Variants in CCSER1 observed in about 807,000 individuals in gnomAD.
CCSER1 encodes the protein serine-rich coiled-coil domain-containing protein 1.
A neutral mutation model predicts 82.0 loss-of-function variants in CCSER1; 41 were observed. The observed-to-expected ratio is 0.50, with a 90% CI of 0.39 to 0.65. The LOEUF is 0.65. Ranked by LOEUF, CCSER1 falls within the 30% of genes least tolerant of loss-of-function variation. The pLI is 0.00. For missense variants in CCSER1, 1,119 were observed against 1,064.2 expected, an observed-to-expected ratio of 1.05 and a Z score of -0.72; for synonymous variants, 414 against 383.9, an observed-to-expected ratio of 1.08 and a Z score of -0.92.
intron 10 of CCSER1, among the ~76,000 whole-genome samples, chr4:91,345,599 G>A (rs1243238557): frequency 6.6e-6 from 1 of 151,982 alleles, no homozygotes; most frequent in Non-Finnish European, 1.5e-5. Flanking sequence ...TCCTTACCAT[G>A]CCCCACTGTT....
intron 10 of CCSER1, among the ~76,000 whole-genome samples, chr4:91,574,621 C>T (rs1281241865): frequency 6.6e-5 from 10 of 151,980 alleles, no homozygotes; most frequent in African/African-American, 1.9e-4. Context: ...AGTCCATTAT[C>T]CTAAGCAAAT....
At chr4:91,394,738 G>T (rs2149353409) in intron 10 of CCSER1, among the ~76,000 whole-genome samples, 1 of 152,036 alleles carries the variant, frequency 6.6e-6, no homozygotes, top group South Asian at 2.1e-4. Context: ...GTATAAAACA[G>T]CAGTTAAAGT....
intron 7 of CCSER1, among the ~76,000 whole-genome samples, chr4:90,809,817 A>G (rs942829416): frequency 1.3e-5 from 2 of 152,116 alleles, no homozygotes; most frequent in African/African-American, 4.8e-5. Flanking sequence ...ACTTGAGCCC[A>G]GGACTTTGAG....
chr4:91,376,038 ATAAACT>A (rs1750386128), intron 10 of CCSER1, among the ~76,000 whole-genome samples: 2 of 152,286 alleles, frequency 1.3e-5, no homozygotes, highest in South Asian at 4.1e-4. Flanking sequence ...AACTTTCTAG[ATAAACT>A]TAACTATGTG....
rs535362057 is a variant in CCSER1, at chr4:90,597,925, C to T, written c.1725-30100C>T. The stretch of plus-strand genomic sequence containing the variant: ...TCTGTGTCTGGTTTATTTCACTTAA[C>T]GTAATGTCTTTCCAGTCCATCCATG... On this transcript the variant is annotated intron_variant, in intron 5 of 10. Transcript: ENST00000509176. 8.3e-4 allele frequency among the ~76,000 whole-genome samples: 126 copies of T among 152,130 alleles called. 1 individual carries two copies. Among genetic ancestry groups the T allele is most frequent in the African/African-American group, 3.0e-3 (123 of 41,540 alleles).
At chr4:90,559,090 C>A (rs1778433697) in intron 5 of CCSER1, among the ~76,000 whole-genome samples, 1 of 152,170 alleles carries the variant, frequency 6.6e-6, no homozygotes, top group South Asian at 2.1e-4. Context: ...TTCCTCTAAT[C>A]CACACTGCTT....
chr4:90,262,779 G>T (rs1724565461), intron 1 of CCSER1, among the ~76,000 whole-genome samples: 1 of 152,126 alleles, frequency 6.6e-6, no homozygotes, highest in Non-Finnish European at 1.5e-5. Flanking sequence ...CCTCACTCCT[G>T]CCCCTGTGTT....
intron 1 of CCSER1, among the ~76,000 whole-genome samples, chr4:90,196,941 C>G (rs1364036182): frequency 1.3e-5 from 2 of 152,036 alleles, no homozygotes; most frequent in African/African-American, 4.8e-5. Flanking sequence ...TAAAATGCAA[C>G]TGTGACACTA....
chr4:90,874,977 C>T (rs1471842699), intron 8 of CCSER1, among the ~76,000 whole-genome samples: 6 of 151,974 alleles, frequency 3.9e-5, no homozygotes. Flanking sequence ...ATCTGGGAGG[C>T]GGAGGTTGCA....
chr4:90,830,638 T>C (rs1271020225), intron 8 of CCSER1, among the ~76,000 whole-genome samples: 2 of 152,156 alleles, frequency 1.3e-5, no homozygotes, highest in Non-Finnish European at 2.9e-5. Context: ...TTTTCTGTTT[T>C]ACTAAATTCA....
chr4:90,957,354 C>T (rs1396699682), intron 9 of CCSER1, among the ~76,000 whole-genome samples: 1 of 147,844 alleles, frequency 6.8e-6, no homozygotes, highest in Non-Finnish European at 1.5e-5. Context: ...CCTGCCTTGG[C>T]CTCCCAAAAT....
chr4:91,114,818 T>C (rs1726406122), intron 10 of CCSER1, among the ~76,000 whole-genome samples: 1 of 152,236 alleles, frequency 6.6e-6, no homozygotes, highest in Non-Finnish European at 1.5e-5. Context: ...TCTGTTATTG[T>C]TAATTATTAA....
intron 6 of CCSER1, among the ~76,000 whole-genome samples, chr4:90,659,321 C>G (rs1016659512): frequency 6.6e-6 from 1 of 152,082 alleles, no homozygotes; most frequent in African/African-American, 2.4e-5. Flanking sequence ...TCTGGATAGG[C>G]TCTTTGAATA....
chr4:90,270,038 C>T (rs576244448), intron 1 of CCSER1, among the ~76,000 whole-genome samples: 1 of 152,002 alleles, frequency 6.6e-6, no homozygotes, highest in South Asian at 2.1e-4. Flanking sequence ...TGAAAGGGAT[C>T]CAGAAAAGAA....
intron 5 of CCSER1, among the ~76,000 whole-genome samples, chr4:90,469,436 G>A (rs1764057037): frequency 6.6e-6 from 1 of 151,134 alleles, no homozygotes; most frequent in Non-Finnish European, 1.5e-5. Context: ...TAATTTTTAA[G>A]TTCCAAAAGC....
At chr4:91,068,761 TAAAAG>T (rs1243446595) in intron 9 of CCSER1, among the ~76,000 whole-genome samples, 2 of 152,198 alleles carry the variant, frequency 1.3e-5, no homozygotes, top group Non-Finnish European at 2.9e-5. Context: ...AGGGAAATTT[TAAAAG>T]AAAAGCATTG....
chr4:90,815,478 A>G (rs1008735163), intron 7 of CCSER1, among the ~76,000 whole-genome samples: 12 of 152,108 alleles, frequency 7.9e-5, no homozygotes, highest in African/African-American at 2.7e-4. Context: ...CGATAGAGGA[A>G]TACCAAAAAC....
At chr4:90,756,752 A>C (rs1489699985) in intron 7 of CCSER1, among the ~76,000 whole-genome samples, 2 of 152,216 alleles carry the variant, frequency 1.3e-5, no homozygotes, top group African/African-American at 4.8e-5. Flanking sequence ...AACCGTATAC[A>C]TATACTTTAC....
intron 1 of CCSER1, among the ~76,000 whole-genome samples, chr4:90,148,496 G>A (rs1726230261): frequency 6.6e-6 from 1 of 152,138 alleles, no homozygotes; most frequent in Non-Finnish European, 1.5e-5. Context: ...GGATATGGTA[G>A]TACAAGGTTG....
Sources: gnomAD v4.1 joint callset for allele counts (sites outside exome capture counted in the v4.1 genomes callset) on GRCh38, gnomAD v4.1.1 for gene constraint, MANE v1.5 for transcripts, NCBI Gene and HGNC (gene_info 2026-07-23, HGNC 2026-07-21) for gene names.